Variants in AHCTF1 observed in about 807,000 individuals in gnomAD.
AHCTF1 encodes protein ELYS.
A neutral mutation model predicts 248.4 loss-of-function variants in AHCTF1; 24 were observed. That is an observed-to-expected ratio of 0.10 (90% CI 0.07 to 0.14). AHCTF1 has a LOEUF of 0.14. Ranked by LOEUF, AHCTF1 falls within the 10% of genes least tolerant of loss-of-function variation. The pLI, the probability that AHCTF1 is intolerant of heterozygous loss-of-function variation, is 1.00. For missense variants in AHCTF1, 2,206 were observed against 2,636.2 expected (o/e 0.84, Z 3.57); for synonymous variants, 786 against 929.8 (o/e 0.85, Z 2.81).
chr1:246,842,382 GACC>G (rs1335292542), intron 35 of AHCTF1, among the ~76,000 whole-genome samples: 1 of 151,914 alleles, frequency 6.6e-6, no homozygotes, highest in East Asian at 1.9e-4. Flanking sequence ...AGGAGTTTGA[GACC>G]AGCCTGGCCA....
rs140609930 is a variant in AHCTF1 at position 246,875,932 on chromosome 1, T to C, written c.3088+105A>G. On this transcript the variant is annotated intron_variant, in intron 24 of 35. Transcript: ENST00000648844. ...CAGCAATATCTCCAAGGCATGCCTG[T>C]ATGTGTTAGCGAAAGTAGCTAAATT... 1.2e-3 allele frequency: 1,276 copies of C among 1,063,322 alleles called. 4 individuals carry two copies. The highest frequency in any genetic ancestry group is 0.012 in the African/African-American group (751 of 62,616). 65.9% of individuals were successfully genotyped at this position (1,063,322 alleles called of 1,614,324 possible). A position where few individuals can be genotyped will look rare whatever the true frequency, so the allele number is the denominator to read the frequency against.
At chr1:246,873,461 G>T (rs1662738090) in intron 24 of AHCTF1, among the ~76,000 whole-genome samples, 2 of 152,062 alleles carry the variant, frequency 1.3e-5, no homozygotes, top group South Asian at 4.2e-4. Context: ...ATAGCGAAGG[G>T]AAAGAATCCG....
intron 24 of AHCTF1, among the ~76,000 whole-genome samples, chr1:246,868,865 G>A (rs1184289346): frequency 7.5e-5 from 10 of 133,370 alleles, no homozygotes; most frequent in African/African-American, 2.6e-4. Context: ...TTTTTTTTGA[G>A]ATGGAGTCTC....
At chr1:246,852,975 A>C (rs1660825308) in intron 32 of AHCTF1, 116 bp downstream of exon 32, 2 of 708,286 alleles carry the variant, frequency 2.8e-6, no homozygotes, top group Non-Finnish European at 4.6e-6. Context: ...TTTTATAAAT[A>C]AGTTTTTATA....
chr1:246,869,391 A>G (rs1266264834), intron 24 of AHCTF1, among the ~76,000 whole-genome samples: 2 of 152,216 alleles, frequency 1.3e-5, no homozygotes, highest in Non-Finnish European at 2.9e-5. Context: ...TTAAATCAAA[A>G]GCTAGACCTC....
At chr1:246,887,123 A>G (rs1239735298) in intron 20 of AHCTF1, 88 bp downstream of exon 20, 13 of 1,434,314 alleles carry the variant, frequency 9.1e-6, no homozygotes, top group Middle Eastern at 2.6e-4. Flanking sequence ...AGACTGTATC[A>G]TATCTTTTAA....
At chr1:246,878,746 T>C (rs903963421) in intron 21 of AHCTF1, among the ~76,000 whole-genome samples, 4 of 152,204 alleles carry the variant, frequency 2.6e-5, no homozygotes, top group Non-Finnish European at 5.9e-5. Flanking sequence ...GTACCCACTG[T>C]TGGCAGATCA....
intron 29 of AHCTF1, among the ~76,000 whole-genome samples, chr1:246,859,479 C>CTGTT (rs1182206642): frequency 1.3e-5 from 2 of 152,196 alleles, no homozygotes; most frequent in Non-Finnish European, 2.9e-5. Flanking sequence ...ACTTGACTCA[C>CTGTT]TGTTTGATCT....
intron 1 of AHCTF1, among the ~76,000 whole-genome samples, chr1:246,921,432 CAACAAA>C (rs1177255450): frequency 6.6e-6 from 1 of 152,090 alleles, no homozygotes; most frequent in Non-Finnish European, 1.5e-5. Flanking sequence ...ACTTAATACT[CAACAAA>C]AACAAACTCA....
chr1:246,854,143 C>CA (rs1572366837), intron 31 of AHCTF1, among the ~76,000 whole-genome samples: 2 of 151,832 alleles, frequency 1.3e-5, no homozygotes, highest in Non-Finnish European at 2.9e-5. Flanking sequence ...ACTAAAAATA[C>CA]AAAAAATTAG....
At chr1:246,926,918 T>G (rs1459882145) in intron 1 of AHCTF1, among the ~76,000 whole-genome samples, 1 of 152,016 alleles carries the variant, frequency 6.6e-6, no homozygotes, top group African/African-American at 2.4e-5. Context: ...CACACGCCTG[T>G]AATCCCAGCA....
intron 1 of AHCTF1, among the ~76,000 whole-genome samples, chr1:246,927,553 T>G (rs1450843970): frequency 6.6e-6 from 1 of 152,200 alleles, no homozygotes; most frequent in Non-Finnish European, 1.5e-5. Flanking sequence ...CAAACACACA[T>G]GAAACACCTA....
chr1:246,872,362 C>T (rs897574673), intron 24 of AHCTF1, among the ~76,000 whole-genome samples: 3 of 152,136 alleles, frequency 2.0e-5, no homozygotes, highest in Non-Finnish European at 4.4e-5. Context: ...CCAAAAACTT[C>T]AGGTACCTAC....
intron 16 of AHCTF1, 31 bp from the exon 17 acceptor site, chr1:246,890,090 G>A (rs746557110): frequency 6.9e-7 from 1 of 1,443,546 alleles, no homozygotes; most frequent in African/African-American, 1.4e-5. Context: ...AAAAAAGCTG[G>A]TAATAATCCC....
intron 4 of AHCTF1, among the ~76,000 whole-genome samples, chr1:246,911,472 G>A (rs1206854276): frequency 3.5e-5 from 5 of 143,704 alleles, no homozygotes; most frequent in African/African-American, 1.3e-4. Flanking sequence ...GTCTATCTAT[G>A]AAGATTCTTT....
At chr1:246,928,535 AT>A (rs1410147487) in intron 1 of AHCTF1, among the ~76,000 whole-genome samples, 1 of 152,150 alleles carries the variant, frequency 6.6e-6, no homozygotes. Flanking sequence ...AATAAAATCA[AT>A]TTTTTAAAAC....
At chr1:246,854,638 T>C (rs566795697) in intron 31 of AHCTF1, among the ~76,000 whole-genome samples, 1 of 152,276 alleles carries the variant, frequency 6.6e-6, no homozygotes, top group Non-Finnish European at 1.5e-5. Flanking sequence ...TTACTAAACT[T>C]CAGGTACCAA....
At chr1:246,931,312 G>T in intron 1 of AHCTF1, 2 of 1,546,732 alleles carry the variant, frequency 1.3e-6, no homozygotes, top group Non-Finnish European at 1.7e-6. Flanking sequence ...AACCACCAGC[G>T]CCGCTCCGCC....
intron 19 of AHCTF1, 134 bp from the exon 20 acceptor site, chr1:246,887,491 C>G (rs1663906622): frequency 1.2e-6 from 1 of 849,608 alleles, no homozygotes; most frequent in Admixed American, 3.1e-5. Context: ...AGAAAGCCAT[C>G]ATGGAGAGTC....
Sources: allele counts gnomAD v4.1 joint callset (sites outside exome capture counted in the v4.1 genomes callset), GRCh38; gene constraint gnomAD v4.1.1; transcripts MANE v1.5; gene names NCBI Gene and HGNC (gene_info 2026-07-23, HGNC 2026-07-21).